NEDD4L: variants seen among roughly 807,000 people sequenced by gnomAD.
NEDD4L encodes NEDD4 like E3 ubiquitin protein ligase, also known as E3 ubiquitin-protein ligase NEDD4-like.
In NEDD4L, 54 loss-of-function variants were observed where a neutral mutation model predicts 148.9. That is an observed-to-expected ratio of 0.36 (90% CI 0.29 to 0.45). The LOEUF is 0.45. Among genes scored for constraint, NEDD4L ranks in the 20% least tolerant of loss-of-function variants. NEDD4L has a pLI of 1.00. For missense variants in NEDD4L, 856 were observed against 1,233.8 expected, an observed-to-expected ratio of 0.69 and a Z score of 4.59; for synonymous variants, 433 against 440.7, an observed-to-expected ratio of 0.98 and a Z score of 0.22.
At chr18:58,345,882 C>G (rs1398670104) in intron 16 of NEDD4L, among the ~76,000 whole-genome samples, 1 of 151,682 alleles carries the variant, frequency 6.6e-6, no homozygotes. Context: ...GCTGGGATTA[C>G]AGGCACATGC....
chr18:58,322,108 G>T (rs576179804), intron 6 of NEDD4L, among the ~76,000 whole-genome samples: 1 of 152,218 alleles, frequency 6.6e-6, no homozygotes, highest in East Asian at 1.9e-4. Context: ...ACTGGTGACC[G>T]CTGGTTCTCC....
intron 23 of NEDD4L, chr18:58,372,234 T>G (rs2046975599): frequency 1.3e-5 from 2 of 151,886 alleles, no homozygotes; most frequent in East Asian, 3.9e-4. Context: ...TGTCTCAGCC[T>G]CCCAAGTAGC....
At chr18:58,122,098 C>G (rs2030021585) in intron 1 of NEDD4L, among the ~76,000 whole-genome samples, 1 of 152,222 alleles carries the variant, frequency 6.6e-6, no homozygotes, top group Non-Finnish European at 1.5e-5. Flanking sequence ...AGTGGTAGCC[C>G]TTTGGCTTAC....
chr18:58,300,160 G>A (rs1415316717), intron 5 of NEDD4L, among the ~76,000 whole-genome samples: 1 of 152,180 alleles, frequency 6.6e-6, no homozygotes, highest in South Asian at 2.1e-4. Flanking sequence ...TTGTAACACA[G>A]GGAGAGATAG....
intron 5 of NEDD4L, among the ~76,000 whole-genome samples, chr18:58,277,646 TG>T (rs2052340699): frequency 6.6e-6 from 1 of 152,218 alleles, no homozygotes; most frequent in African/African-American, 2.4e-5. Flanking sequence ...AGACTGTTTC[TG>T]GGGTTCTGCA....
At chr18:58,149,089 G>C (rs2034403825) in intron 1 of NEDD4L, among the ~76,000 whole-genome samples, 2 of 152,224 alleles carry the variant, frequency 1.3e-5, no homozygotes, top group African/African-American at 2.4e-5. Flanking sequence ...CAGAGAGGAA[G>C]CTTTTGCGTG....
chr18:58,100,544 C>G (rs1012055245), intron 1 of NEDD4L, among the ~76,000 whole-genome samples: 2 of 152,140 alleles, frequency 1.3e-5, no homozygotes, highest in African/African-American at 4.8e-5. Context: ...CTTTGGGGAC[C>G]TTTCTTACAT....
rs554937023 is a variant in NEDD4L at position 58,238,244 on chromosome 18, T to G, written c.123-7183T>G. On this transcript the variant is annotated intron_variant, in intron 2 of 30. Coordinates refer to ENST00000400345, the MANE Select transcript of NEDD4L (RefSeq NM_001144967.3). Reference sequence around the variant, plus strand: ...CTTGGGCTGAAAGATATGTACGTTTTGTTTTCAAAATTTTTCAGTAGTCAT... The same window carrying G: ...CTTGGGCTGAAAGATATGTACGTTTGGTTTTCAAAATTTTTCAGTAGTCAT... 1.0e-3 allele frequency among the ~76,000 whole-genome samples: 156 copies of G among 152,342 alleles called. 1 individual carries two copies. The highest frequency in any genetic ancestry group is 1.3e-3 in the Non-Finnish European group (87 of 68,028).
intron 5 of NEDD4L, among the ~76,000 whole-genome samples, chr18:58,303,150 A>C (rs2056694098): frequency 1.3e-5 from 2 of 152,194 alleles, no homozygotes; most frequent in South Asian, 4.1e-4. Context: ...TGGGCACTTG[A>C]ATTGTAGCCC....
intron 24 of NEDD4L, among the ~76,000 whole-genome samples, chr18:58,374,172 G>A (rs1026989127): frequency 3.9e-5 from 6 of 152,212 alleles, no homozygotes; most frequent in African/African-American, 1.4e-4. Context: ...AGAAGCTGAT[G>A]CCACTAGAGG....
chr18:58,343,386 G>C (rs897948885), intron 16 of NEDD4L, among the ~76,000 whole-genome samples: 1 of 151,910 alleles, frequency 6.6e-6, no homozygotes, highest in African/African-American at 2.4e-5. Flanking sequence ...GTATTGCTCT[G>C]TGCTGTTAAG....
chr18:58,235,255 C>T (rs1372619509), intron 2 of NEDD4L, among the ~76,000 whole-genome samples: 1 of 152,190 alleles, frequency 6.6e-6, no homozygotes, highest in African/African-American at 2.4e-5. Flanking sequence ...GTGAGGCCCA[C>T]TCTCGGTGTG....
At chr18:58,194,863 A>T (rs772388831) in intron 2 of NEDD4L, among the ~76,000 whole-genome samples, 2 of 152,246 alleles carry the variant, frequency 1.3e-5, no homozygotes, top group Non-Finnish European at 2.9e-5. Flanking sequence ...TAAAAAAAGC[A>T]CATTGATTGC....
At chr18:58,307,479 C>G (rs973240691) in intron 5 of NEDD4L, among the ~76,000 whole-genome samples, 2 of 152,182 alleles carry the variant, frequency 1.3e-5, no homozygotes, top group Non-Finnish European at 2.9e-5. Context: ...ATGCCAATGC[C>G]TACATTGAGG....
At chr18:58,237,738 A>G (rs889557012) in intron 2 of NEDD4L, among the ~76,000 whole-genome samples, 6 of 152,164 alleles carry the variant, frequency 3.9e-5, no homozygotes, top group Admixed American at 6.5e-5. Context: ...GTAGATGCCT[A>G]TATAAATAGC....
chr18:58,231,452 G>T (rs956401723), intron 2 of NEDD4L, among the ~76,000 whole-genome samples: 5 of 152,014 alleles, frequency 3.3e-5, no homozygotes, highest in Non-Finnish European at 7.4e-5. Flanking sequence ...GCCATGGGGG[G>T]AAAGCATGAA....
chr18:58,325,416 A>G (rs2059226474), intron 9 of NEDD4L, among the ~76,000 whole-genome samples: 1 of 152,198 alleles, frequency 6.6e-6, no homozygotes, highest in African/African-American at 2.4e-5. Context: ...GTCTTCTTTT[A>G]TGTCGATTCC....
At chr18:58,269,892 C>G (rs2050778854) in intron 5 of NEDD4L, among the ~76,000 whole-genome samples, 1 of 149,550 alleles carries the variant, frequency 6.7e-6, no homozygotes, top group African/African-American at 2.4e-5. Context: ...AACTTGCATT[C>G]AAGCAAGGTT....
intron 1 of NEDD4L, chr18:58,047,450 A>G: frequency 1.0e-6 from 1 of 982,156 alleles, no homozygotes; most frequent in African/African-American, 1.7e-5. Flanking sequence ...GGGATGCCAA[A>G]GCACAGGGCT....
Sources: allele counts gnomAD v4.1 joint callset (sites outside exome capture counted in the v4.1 genomes callset), GRCh38; gene constraint gnomAD v4.1.1; transcripts MANE v1.5; gene names NCBI Gene and HGNC (gene_info 2026-07-23, HGNC 2026-07-21).